The following KCNH5 variants were observed in gnomAD, a reference collection of about 807,000 sequenced individuals.
The protein encoded by KCNH5 is voltage-gated delayed rectifier potassium channel KCNH5.
A neutral mutation model predicts 96.1 loss-of-function variants in KCNH5; 46 were observed. The observed-to-expected ratio is 0.48, with a 90% confidence interval of 0.38 to 0.61. The LOEUF (loss-of-function observed/expected upper bound fraction) is 0.61. Ranked by LOEUF, KCNH5 falls within the 20% of genes least tolerant of loss-of-function variation. The pLI is 0.00. For synonymous variants in KCNH5, 439 were observed against 449.8 expected, an observed-to-expected ratio of 0.98 and a Z score of 0.30; for missense variants, 907 against 1,225.8, an observed-to-expected ratio of 0.74 and a Z score of 3.88.
chr14:63,003,296 GA>G (rs1891045068), intron 3 of KCNH5, among the ~76,000 whole-genome samples: 1 of 150,122 alleles, frequency 6.7e-6, no homozygotes, highest in Admixed American at 6.7e-5. Flanking sequence ...TCATATTCTG[GA>G]TTTGGGGTTC....
chr14:62,862,334 T>G (rs1295662279), intron 7 of KCNH5, among the ~76,000 whole-genome samples: 1 of 152,196 alleles, frequency 6.6e-6, no homozygotes, highest in African/African-American at 2.4e-5. Context: ...CCCTATGGAA[T>G]AGCCAGGAGC....
In KCNH5 at chr14:63,032,101, CAA is replaced by C. The variant is rs33955186; in HGVS notation, c.73+13011_73+13012del. Among the ~76,000 whole-genome samples, 610 of 87,536 alleles carry C rather than the reference CAA, an allele frequency of 7.0e-3. 3 individuals carry two copies. Among genetic ancestry groups the C allele is most frequent in the African/African-American group, 0.02 (503 of 25,786 alleles). The allele number at this position is 87,536 out of a possible 152,430, so 57.4% of individuals were successfully genotyped here. On this transcript the variant is annotated intron_variant, in intron 1 of 10. Transcript: ENST00000322893. ...GGAGTTGAGAAGAAAAAGGACTTCA[CAA>C]AAAAAAAAAAAAAACTTTCACTAAT...
chr14:62,774,526 TA>T (rs1886056949), intron 10 of KCNH5, among the ~76,000 whole-genome samples: 2 of 152,376 alleles, frequency 1.3e-5, no homozygotes, highest in South Asian at 4.1e-4. Flanking sequence ...ATATTAACTT[TA>T]AAAGTCTAAT....
intron 6 of KCNH5, among the ~76,000 whole-genome samples, chr14:62,976,573 T>C (rs112395338): frequency 6.6e-6 from 1 of 152,112 alleles, no homozygotes; most frequent in African/African-American, 2.4e-5. Context: ...AAGGACCACC[T>C]AGTTAACACC....
At chr14:62,896,480 T>C (rs1888815456) in intron 7 of KCNH5, among the ~76,000 whole-genome samples, 2 of 152,186 alleles carry the variant, frequency 1.3e-5, no homozygotes. Flanking sequence ...CCTTTCACCT[T>C]CCTCTTACCA....
chr14:62,721,476 TTCTC>T (rs374712325), intron 10 of KCNH5, among the ~76,000 whole-genome samples: 12,763 of 135,478 alleles, frequency 0.094, 576 homozygotes, highest in East Asian at 0.16. Context: ...TCATGTTTCT[TTCTC>T]TCTCTCTCTC....
intron 7 of KCNH5, among the ~76,000 whole-genome samples, chr14:62,881,706 C>G (rs1888495532): frequency 6.6e-6 from 1 of 152,006 alleles, no homozygotes; most frequent in Non-Finnish European, 1.5e-5. Context: ...GCATTTTGTA[C>G]CACAACAGTA....
intron 8 of KCNH5, among the ~76,000 whole-genome samples, chr14:62,836,391 C>G (rs1887467366): frequency 6.6e-6 from 1 of 152,004 alleles, no homozygotes; most frequent in African/African-American, 2.4e-5. Context: ...TGTCACTATA[C>G]CAATTCAGTT....
At chr14:62,735,073 T>C (rs1291898513) in intron 10 of KCNH5, among the ~76,000 whole-genome samples, 1 of 152,174 alleles carries the variant, frequency 6.6e-6, no homozygotes, top group Non-Finnish European at 1.5e-5. Context: ...GAGGAAGATG[T>C]CATATCTGTC....
chr14:62,735,144 G>A (rs1885130324), intron 10 of KCNH5, among the ~76,000 whole-genome samples: 1 of 152,140 alleles, frequency 6.6e-6, no homozygotes, highest in African/African-American at 2.4e-5. Context: ...GCTCTTGCAG[G>A]AAATAAAGCT....
chr14:63,025,186 T>C (rs544496080), intron 1 of KCNH5, among the ~76,000 whole-genome samples: 101 of 152,222 alleles, frequency 6.6e-4, no homozygotes, highest in African/African-American at 2.1e-3. Context: ...TTCAACATTG[T>C]TTCATGATTA....
intron 10 of KCNH5, among the ~76,000 whole-genome samples, chr14:62,743,088 C>T (rs930551338): frequency 2.0e-5 from 3 of 152,170 alleles, no homozygotes; most frequent in African/African-American, 7.2e-5. Flanking sequence ...GTCATTTTGC[C>T]TGGCATTTTA....
chr14:62,811,097 G>C (rs967851074), intron 8 of KCNH5, among the ~76,000 whole-genome samples: 3 of 151,992 alleles, frequency 2.0e-5, no homozygotes, highest in Non-Finnish European at 4.4e-5. Flanking sequence ...TGAATGTCAT[G>C]GTCTGAAAAA....
At chr14:62,831,336 T>A (rs911059467) in intron 8 of KCNH5, among the ~76,000 whole-genome samples, 3 of 152,218 alleles carry the variant, frequency 2.0e-5, no homozygotes, top group African/African-American at 7.2e-5. Flanking sequence ...AGCTACACTA[T>A]GAAAGTGACT....
chr14:62,986,151 A>C (rs962255998), intron 5 of KCNH5, among the ~76,000 whole-genome samples: 2 of 152,102 alleles, frequency 1.3e-5, no homozygotes, highest in Non-Finnish European at 2.9e-5. Context: ...CTACCTCCCC[A>C]TTCTCCACAG....
intron 1 of KCNH5, among the ~76,000 whole-genome samples, chr14:63,018,618 C>T (rs967538678): frequency 2.0e-5 from 3 of 151,932 alleles, no homozygotes; most frequent in Admixed American, 6.6e-5. Context: ...ATAGGATGAA[C>T]GGATATGCCC....
At chr14:62,808,049 C>T (rs1399424943) in intron 8 of KCNH5, among the ~76,000 whole-genome samples, 1 of 152,076 alleles carries the variant, frequency 6.6e-6, no homozygotes, top group Non-Finnish European at 1.5e-5. Context: ...AGGCTCCACA[C>T]CTAGTACATG....
At chr14:63,035,274 G>C (rs1165509201) in intron 1 of KCNH5, among the ~76,000 whole-genome samples, 1 of 152,014 alleles carries the variant, frequency 6.6e-6, no homozygotes, top group African/African-American at 2.4e-5. Flanking sequence ...CCCTTTAATG[G>C]CAATTAAACA....
chr14:62,846,677 A>G (rs1465896187), intron 8 of KCNH5, among the ~76,000 whole-genome samples: 1 of 149,454 alleles, frequency 6.7e-6, no homozygotes, highest in East Asian at 2.0e-4. Context: ...GTCCTTATTT[A>G]TAGTGGAATC....
Sources: gnomAD v4.1 joint callset for allele counts (sites outside exome capture counted in the v4.1 genomes callset) on GRCh38, gnomAD v4.1.1 for gene constraint, MANE v1.5 for transcripts, NCBI Gene and HGNC (gene_info 2026-07-23, HGNC 2026-07-21) for gene names.